REDIC1: variants seen among roughly 807,000 people sequenced by gnomAD.
The protein encoded by REDIC1 is regulator of DNA class I crossover intermediates 1, also known as HEI10 Interacting Protein 1.
chr12:39,902,035 C>G, the REDIC1 span, among the ~76,000 whole-genome samples: 1 of 151,994 alleles, frequency 6.6e-6, no homozygotes, highest in African/African-American at 2.4e-5. Flanking sequence ...AGTTCATGTC[C>G]TTTGTAGGGA....
chr12:39,646,482 ATAT>A, the REDIC1 span: 2 of 1,549,036 alleles, frequency 1.3e-6, no homozygotes, highest in Non-Finnish European at 1.7e-6. Context: ...GCTAGGATTT[ATAT>A]TATTAGGTGT....
chr12:39,825,936 T>C, the REDIC1 span, among the ~76,000 whole-genome samples: 1 of 152,132 alleles, frequency 6.6e-6, no homozygotes, highest in African/African-American at 2.4e-5. Context: ...TAATTTGAAG[T>C]TGCTTTTTGG....
At chr12:39,783,402 T>G in the REDIC1 span, among the ~76,000 whole-genome samples, 2 of 152,234 alleles carry the variant, frequency 1.3e-5, no homozygotes, top group East Asian at 3.8e-4. Flanking sequence ...GGGATGGCTG[T>G]GTCAAATGGT....
the REDIC1 span, among the ~76,000 whole-genome samples, chr12:39,828,202 TG>T: frequency 6.6e-6 from 1 of 152,202 alleles, no homozygotes; most frequent in African/African-American, 2.4e-5. Context: ...CCAATAGCAG[TG>T]GTCCACCTAG....
At chr12:39,834,791 A>G in the REDIC1 span, among the ~76,000 whole-genome samples, 1 of 152,068 alleles carries the variant, frequency 6.6e-6, no homozygotes, top group Non-Finnish European at 1.5e-5. Flanking sequence ...CATCATATAG[A>G]CTATTTTATG....
chr12:39,730,390 A>G, the REDIC1 span, among the ~76,000 whole-genome samples: 2 of 152,208 alleles, frequency 1.3e-5, no homozygotes, highest in African/African-American at 4.8e-5. Flanking sequence ...TTGTCTCTAA[A>G]GGATTTTATT....
At chr12:39,706,039 G>A in the REDIC1 span, among the ~76,000 whole-genome samples, 1 of 152,052 alleles carries the variant, frequency 6.6e-6, no homozygotes, top group African/African-American at 2.4e-5. Context: ...ATCCTTGTTT[G>A]CCAATGATGT....
chr12:39,660,731 A>G, the REDIC1 span, among the ~76,000 whole-genome samples: 6 of 151,996 alleles, frequency 3.9e-5, no homozygotes, highest in African/African-American at 9.7e-5. Flanking sequence ...ACCCTACTCT[A>G]CTATCAAATA....
At chr12:39,659,141 T>G in the REDIC1 span, among the ~76,000 whole-genome samples, 2 of 152,056 alleles carry the variant, frequency 1.3e-5, no homozygotes, top group African/African-American at 2.4e-5. Flanking sequence ...AGATGTCTTT[T>G]GACTTGGTGT....
the REDIC1 span, among the ~76,000 whole-genome samples, chr12:39,707,703 T>G: frequency 1.3e-5 from 2 of 151,962 alleles, no homozygotes; most frequent in African/African-American, 2.4e-5. Flanking sequence ...TTATCATTGT[T>G]TTATAATGTT....
chr12:39,894,250 T>C, the REDIC1 span, among the ~76,000 whole-genome samples: 2 of 152,246 alleles, frequency 1.3e-5, no homozygotes, highest in African/African-American at 2.4e-5. Context: ...ATCTTAGCTT[T>C]TGAGTTAAAG....
At chr12:39,787,738 C>T in the REDIC1 span, among the ~76,000 whole-genome samples, 3 of 152,128 alleles carry the variant, frequency 2.0e-5, no homozygotes, top group Non-Finnish European at 4.4e-5. Context: ...GATAAGGTGT[C>T]TGTTAATAAA....
chr12:39,647,778 C>T, the REDIC1 span: 1 of 1,440,948 alleles, frequency 6.9e-7, no homozygotes, highest in Non-Finnish European at 9.2e-7. Context: ...ATGATTTTAT[C>T]TTCTTTCCTA....
At chr12:39,844,536 TAGAAAAGAAAGCA>T in the REDIC1 span, among the ~76,000 whole-genome samples, 1 of 151,980 alleles carries the variant, frequency 6.6e-6, no homozygotes, top group Admixed American at 6.6e-5. Flanking sequence ...GTGTTCTTTT[TAGAAAAGAAAGCA>T]TTCATAACAT....
At chr12:39,740,644 A>T in the REDIC1 span, among the ~76,000 whole-genome samples, 1 of 152,192 alleles carries the variant, frequency 6.6e-6, no homozygotes, top group Admixed American at 6.5e-5. Context: ...AATCAGTGAG[A>T]CCCTGTGCTG....
At chr12:39,712,393 T>TAC in the REDIC1 span, among the ~76,000 whole-genome samples, 116 of 129,016 alleles carry the variant, frequency 9.0e-4, no homozygotes, top group African/African-American at 3.1e-3. Flanking sequence ...TATATATACC[T>TAC]GTATGTATAT....
At chr12:39,675,252 G>T in the REDIC1 span, among the ~76,000 whole-genome samples, 1 of 152,178 alleles carries the variant, frequency 6.6e-6, no homozygotes, top group African/African-American at 2.4e-5. Context: ...ATCCCCCACA[G>T]TGGCTGCAGC....
chr12:39,664,515 G>A, the REDIC1 span, among the ~76,000 whole-genome samples: 1 of 152,242 alleles, frequency 6.6e-6, no homozygotes, highest in East Asian at 1.9e-4. Flanking sequence ...TTGCTATTGT[G>A]AATAGTGCCA....
chr12:39,739,650 G>C, the REDIC1 span, among the ~76,000 whole-genome samples: 3 of 152,086 alleles, frequency 2.0e-5, no homozygotes. Flanking sequence ...ATGCTCAGAG[G>C]CTTCATTTTT....
Sources: gnomAD v4.1 joint callset for allele counts (sites outside exome capture counted in the v4.1 genomes callset) on GRCh38, gnomAD v4.1.1 for gene constraint, MANE v1.5 for transcripts, NCBI Gene and HGNC (gene_info 2026-07-23, HGNC 2026-07-21) for gene names.